Variants in FRMPD4 observed in about 807,000 individuals in gnomAD.
The protein encoded by FRMPD4 is FERM and PDZ domain-containing protein 4.
In FRMPD4, 22 loss-of-function variants were observed where a neutral mutation model predicts 94.1. The observed-to-expected ratio is 0.23, with a 90% confidence interval of 0.17 to 0.33. The LOEUF (loss-of-function observed/expected upper bound fraction) is 0.33, where lower values mean the gene tolerates loss of function less well. Ranked by LOEUF, FRMPD4 falls within the 10% of genes least tolerant of loss-of-function variation. The pLI is 1.00. For synonymous variants in FRMPD4, 631 were observed against 548.6 expected (o/e 1.15, Z -2.10); for missense variants, 1,111 against 1,339.9 (o/e 0.83, Z 2.67).
rs968509230 is a variant in FRMPD4, at chrX:12,722,249, AAG to A, written c.*399_*400del. 2.7e-5 allele frequency: 3 copies of A among 111,467 alleles called. No individual in the cohort carries two copies. The highest frequency in any genetic ancestry group is 3.8e-5 in the Non-Finnish European group (2 of 53,118). The allele number at this position is 111,467 out of a possible 1,213,427, so 9.2% of individuals were successfully genotyped here. A position where few individuals can be genotyped will look rare whatever the true frequency, so the allele number is the denominator to read the frequency against. ...TTTAGAAGTAAAACACAAAACAAAA[AAG>A]AGAGAGAAAAGAAAAGAAATCACAA... On this transcript the variant is annotated 3_prime_UTR_variant, in exon 17 of 17. Coordinates refer to ENST00000675598, the MANE Select transcript of FRMPD4 (RefSeq NM_001368397.1).
chrX:12,083,365 T>C (rs998134494), intron 3 of FRMPD4, among the ~76,000 whole-genome samples: 2 of 112,998 alleles, frequency 1.8e-5, no homozygotes, highest in South Asian at 7.2e-4. Context: ...AAGTCAAGAA[T>C]TGAGGTTTGG....
chrX:12,611,424 C>T (rs987801621), intron 3 of FRMPD4, among the ~76,000 whole-genome samples: 2 of 111,549 alleles, frequency 1.8e-5, no homozygotes, highest in African/African-American at 3.3e-5. Flanking sequence ...GTTAAATTCC[C>T]TGCATTTCAG....
chrX:11,896,411 T>C (rs2053904114), intron 3 of FRMPD4, among the ~76,000 whole-genome samples: 1 of 110,781 alleles, frequency 9.0e-6, no homozygotes, highest in South Asian at 3.9e-4. Flanking sequence ...TAGGAGGTGA[T>C]TGGGTCATGA....
At chrX:12,121,690 GC>G (rs2055455670) in intron 3 of FRMPD4, among the ~76,000 whole-genome samples, 1 of 111,723 alleles carries the variant, frequency 9.0e-6, no homozygotes, top group African/African-American at 3.3e-5. Context: ...ACAAGATAAA[GC>G]TGAACTGTGT....
chrX:12,347,456 G>A (rs900833319), intron 1 of FRMPD4, among the ~76,000 whole-genome samples: 14 of 110,003 alleles, frequency 1.3e-4, no homozygotes, highest in African/African-American at 2.0e-4. Flanking sequence ...GACTGGTATC[G>A]AACTCCTGGC....
chrX:12,700,189 T>TA (rs1385356340), intron 9 of FRMPD4, among the ~76,000 whole-genome samples: 1 of 111,844 alleles, frequency 8.9e-6, no homozygotes, highest in African/African-American at 3.2e-5. Context: ...TAACAGAAAT[T>TA]AAAAAACAGG....
At chrX:12,663,117 C>T (rs2059735775) in intron 4 of FRMPD4, among the ~76,000 whole-genome samples, 1 of 112,143 alleles carries the variant, frequency 8.9e-6, no homozygotes, top group South Asian at 3.7e-4. Flanking sequence ...TTGTCAGATG[C>T]ATAGATTGCA....
At chrX:12,170,255 C>T (rs2056198510) in intron 1 of FRMPD4, among the ~76,000 whole-genome samples, 1 of 107,375 alleles carries the variant, frequency 9.3e-6, no homozygotes, top group Non-Finnish European at 1.9e-5. Flanking sequence ...TAGTTGGTTG[C>T]TTGAAACGGG....
chrX:12,044,753 T>C (rs981702353), intron 3 of FRMPD4, among the ~76,000 whole-genome samples: 4 of 112,321 alleles, frequency 3.6e-5, no homozygotes, highest in Non-Finnish European at 7.5e-5. Context: ...AGATCAATAA[T>C]ACATAGAAAG....
At chrX:12,670,730 T>G (rs2059831592) in intron 4 of FRMPD4, among the ~76,000 whole-genome samples, 1 of 111,686 alleles carries the variant, frequency 9.0e-6, no homozygotes, top group Non-Finnish European at 1.9e-5. Flanking sequence ...AAGCCAAAAT[T>G]GACAAATGGG....
At chrX:11,908,365 A>G (rs951785069) in intron 3 of FRMPD4, among the ~76,000 whole-genome samples, 11 of 111,685 alleles carry the variant, frequency 9.8e-5, no homozygotes, top group African/African-American at 2.9e-4. Flanking sequence ...TAGCCCCTCT[A>G]TGGATCTCTA....
chrX:12,292,970 A>AT (rs57824346), intron 1 of FRMPD4, among the ~76,000 whole-genome samples: 3,498 of 102,636 alleles, frequency 0.034, 116 homozygotes, highest in African/African-American at 0.1. Context: ...TAGAATATGG[A>AT]TTTTTTTTTT....
At chrX:12,453,730 A>G (rs891003778) in intron 1 of FRMPD4, among the ~76,000 whole-genome samples, 1 of 98,578 alleles carries the variant, frequency 1.0e-5, no homozygotes, top group African/African-American at 3.7e-5. Flanking sequence ...TAAAAACAGA[A>G]CATGACTTTG....
At chrX:12,012,324 G>T (rs1327247823) in intron 3 of FRMPD4, among the ~76,000 whole-genome samples, 2 of 111,894 alleles carry the variant, frequency 1.8e-5, no homozygotes, top group African/African-American at 6.5e-5. Flanking sequence ...GAAAGCTTTT[G>T]GTCTTTCACC....
At chrX:12,117,175 A>G (rs2055416347) in intron 3 of FRMPD4, among the ~76,000 whole-genome samples, 1 of 112,139 alleles carries the variant, frequency 8.9e-6, no homozygotes, top group African/African-American at 3.2e-5. Context: ...AAGAGCATGT[A>G]TATCGTATGA....
chrX:12,321,816 T>C (rs113918972), intron 1 of FRMPD4, among the ~76,000 whole-genome samples: 10 of 111,982 alleles, frequency 8.9e-5, no homozygotes, highest in African/African-American at 3.2e-4. Flanking sequence ...AGACAGACCT[T>C]AGGAAGCAGC....
chrX:12,718,877 G>A, intron 16 of FRMPD4, 87 bp downstream of exon 16: 1 of 578,563 alleles, frequency 1.7e-6, no homozygotes, highest in Non-Finnish European at 2.8e-6. Flanking sequence ...CGTAATGTCT[G>A]GAAGAAAAGT....
At chrX:11,851,721 CA>C (rs1212153410) in intron 1 of FRMPD4, among the ~76,000 whole-genome samples, 1 of 110,968 alleles carries the variant, frequency 9.0e-6, no homozygotes, top group Non-Finnish European at 1.9e-5. Context: ...CTATCTTCCT[CA>C]AAAAAAGCAG....
intron 3 of FRMPD4, among the ~76,000 whole-genome samples, chrX:12,055,515 G>A (rs1050331532): frequency 8.9e-6 from 1 of 112,031 alleles, no homozygotes; most frequent in South Asian, 3.7e-4. Context: ...GCTTCCTGAG[G>A]CCTCACCAGA....
Sources: gnomAD v4.1 joint callset for allele counts (sites outside exome capture counted in the v4.1 genomes callset) on GRCh38, gnomAD v4.1.1 for gene constraint, MANE v1.5 for transcripts, NCBI Gene and HGNC (gene_info 2026-07-23, HGNC 2026-07-21) for gene names.